The following ATP6V1C1 variants were observed in gnomAD, a reference collection of about 807,000 sequenced individuals.
ATP6V1C1 encodes the protein ATPase H+ transporting V1 subunit C1.
Under a neutral mutation model 53.9 loss-of-function variants are expected in ATP6V1C1, and 45 were observed. The observed-to-expected ratio is 0.83, with a 90% CI of 0.66 to 1.07. The LOEUF (loss-of-function observed/expected upper bound fraction) is 1.07, where lower values mean the gene tolerates loss of function less well. Among genes scored for constraint, ATP6V1C1 ranks in the 50% least tolerant of loss-of-function variants. The pLI, the probability that ATP6V1C1 is intolerant of heterozygous loss-of-function variation, is 0.00. For missense variants in ATP6V1C1, 315 were observed against 440.3 expected (o/e 0.72, Z 2.55); for synonymous variants, 153 against 155.2 (o/e 0.99, Z 0.11).
chr8:103,036,486 A>C (rs1238311536), intron 1 of ATP6V1C1, among the ~76,000 whole-genome samples: 2 of 152,218 alleles, frequency 1.3e-5, no homozygotes, highest in East Asian at 3.8e-4. Context: ...TGGGAGTTTG[A>C]GACCAACCTG....
Position 103,066,509 on chromosome 8 carries a change from A to T in ATP6V1C1, c.1053+62A>T, listed in dbSNP as rs1403931093. The T allele has an allele frequency of 5.5e-6, 8 of 1,467,130 alleles. No homozygotes were observed. In the African/African-American group the frequency reaches 1.1e-4, roughly 21 times the overall value. 90.9% of individuals were successfully genotyped at this position (1,467,130 alleles called of 1,614,324 possible). A position where few individuals can be genotyped will look rare whatever the true frequency, so the allele number is the denominator to read the frequency against. ...GTGAATTTCAGAAAAAAAATGATTG[A>T]AAGAAGATAGACAGAAAAGGGAGGG... On this transcript the variant is annotated intron_variant, in intron 12 of 12. Coordinates refer to ENST00000518738, the MANE Select transcript of ATP6V1C1 (RefSeq NM_001695.5).
chr8:103,072,006 A>G lies in ATP6V1C1; in HGVS notation c.*3259A>G, dbSNP rs1469938090. 1 of 152,228 alleles carries G rather than the reference A, an allele frequency of 6.6e-6. No individual in the cohort carries two copies. Among genetic ancestry groups the G allele is most frequent in the Non-Finnish European group, 1.5e-5 (1 of 68,048 alleles). The allele number at this position is 152,228 out of a possible 1,614,324, so 9.4% of individuals were successfully genotyped here. On this transcript the variant is annotated 3_prime_UTR_variant, in exon 13 of 13. Transcript: ENST00000518738. ...AATGTGTCTAGTTGTTTGCATGCCAATTTCAGTAGCCTCAGTTATTCAACC... is the reference window on the plus strand; with the variant it reads ...AATGTGTCTAGTTGTTTGCATGCCAGTTTCAGTAGCCTCAGTTATTCAACC...
chr8:103,028,311 G>C (rs915927531), intron 1 of ATP6V1C1, among the ~76,000 whole-genome samples: 1 of 152,118 alleles, frequency 6.6e-6, no homozygotes, highest in Non-Finnish European at 1.5e-5. Flanking sequence ...GGAATGCGAG[G>C]ATAAGGCAGA....
rs116452053 is a variant in ATP6V1C1, at chr8:103,067,566, G to A, written c.1054-1086G>A. ...AGTTTTTCTTGATAGAAGGAAATGC[G>A]GGAAATGACTTGCTACACTTTTTTT... On this transcript the variant is annotated intron_variant, in intron 12 of 12. Transcript: ENST00000518738. Among the ~76,000 whole-genome samples, 1,088 of 150,844 alleles carry A rather than the reference G, an allele frequency of 7.2e-3. 19 individuals carry two copies. The highest frequency in any genetic ancestry group is 0.025 in the African/African-American group (1,038 of 41,146).
At chr8:103,032,601 A>T (rs528012057) in intron 1 of ATP6V1C1, among the ~76,000 whole-genome samples, 3 of 151,738 alleles carry the variant, frequency 2.0e-5, no homozygotes, top group African/African-American at 7.3e-5. Context: ...CCTCAGCCTC[A>T]TATGTAGCTG....
intron 12 of ATP6V1C1, among the ~76,000 whole-genome samples, chr8:103,067,202 C>A (rs977252378): frequency 1.3e-5 from 2 of 151,710 alleles, no homozygotes; most frequent in Non-Finnish European, 2.9e-5. Context: ...AGTTTGAGAC[C>A]GGCCTGGCCA....
At chr8:103,030,543 G>A (rs1816779993) in intron 1 of ATP6V1C1, among the ~76,000 whole-genome samples, 1 of 152,188 alleles carries the variant, frequency 6.6e-6, no homozygotes. Flanking sequence ...TCGGACAATA[G>A]GCAGTACAGG....
intron 2 of ATP6V1C1, 48 bp downstream of exon 2, chr8:103,041,016 A>G: frequency 6.4e-7 from 1 of 1,567,210 alleles, no homozygotes; most frequent in Non-Finnish European, 8.7e-7. Context: ...CATCCAGGGG[A>G]GGGCCAGTTC....
intron 3 of ATP6V1C1, among the ~76,000 whole-genome samples, chr8:103,046,064 A>G (rs1817092086): frequency 6.6e-6 from 1 of 152,078 alleles, no homozygotes; most frequent in South Asian, 2.1e-4. Context: ...CCAAAGAGAC[A>G]CTGAGAAAGG....
chr8:103,060,760 TATAAG>T (rs1379522404), intron 8 of ATP6V1C1, among the ~76,000 whole-genome samples: 1 of 152,236 alleles, frequency 6.6e-6, no homozygotes, highest in Admixed American at 6.5e-5. Flanking sequence ...AGGATTTAGT[TATAAG>T]ATAAGATGGA....
chr8:103,029,727 AT>A (rs1041091587), intron 1 of ATP6V1C1, among the ~76,000 whole-genome samples: 9 of 151,276 alleles, frequency 5.9e-5, no homozygotes, highest in African/African-American at 2.0e-4. Context: ...GCTTTATTTT[AT>A]TTAAAAAAAA....
intron 5 of ATP6V1C1, among the ~76,000 whole-genome samples, chr8:103,051,605 C>T (rs531207122): frequency 6.6e-6 from 1 of 152,062 alleles, no homozygotes; most frequent in Non-Finnish European, 1.5e-5. Flanking sequence ...GAAAAATTCC[C>T]GTATTCGTGT....
At position 103,054,273 on chromosome 8, in the gene ATP6V1C1, C is replaced by A. The variant is rs368915379; in HGVS notation, c.572+291C>A. Among the ~76,000 whole-genome samples, 3 of 151,904 alleles carry A rather than the reference C, an allele frequency of 2.0e-5. No individual in the cohort carries two copies. The South Asian group carries it at 6.2e-4, about 31-fold the overall frequency. ...TAAATTATTGATTGTTTAAAAAATA[C>A]AGATTTTAGATTTCTCAAAATAGGA... On this transcript the variant is annotated intron_variant, in intron 7 of 12. Transcript: ENST00000518738.
intron 12 of ATP6V1C1, among the ~76,000 whole-genome samples, chr8:103,066,805 A>C (rs1337109625): frequency 6.6e-6 from 1 of 152,274 alleles, no homozygotes; most frequent in South Asian, 2.1e-4. Flanking sequence ...TAGAAGCGAT[A>C]GAGTCAATAG....
chr8:103,026,843 A>G (rs979268185), intron 1 of ATP6V1C1, among the ~76,000 whole-genome samples: 6 of 152,220 alleles, frequency 3.9e-5, no homozygotes, highest in Admixed American at 6.5e-5. Context: ...ATTTTCTGAC[A>G]GTTTTAAAAT....
intron 3 of ATP6V1C1, among the ~76,000 whole-genome samples, chr8:103,045,030 C>G (rs1197087253): frequency 6.6e-6 from 1 of 152,170 alleles, no homozygotes; most frequent in African/African-American, 2.4e-5. Context: ...TTGGCAGAAT[C>G]AGTCTACAGT....
Position 103,044,675 on chromosome 8 carries a change from T to C in ATP6V1C1, c.200+2268T>C, listed in dbSNP as rs556465671. On this transcript the variant is annotated intron_variant, in intron 3 of 12. Transcript: ENST00000518738. ...AATCAGAAAGTGTGAATTCTCCAAC[T>C]TTTTTTTTTTTTTTTTCAAGATTGG... Among the ~76,000 whole-genome samples, 955 of 96,140 alleles carry C rather than the reference T, an allele frequency of 9.9e-3. 12 individuals carry two copies. Among genetic ancestry groups the C allele is most frequent in the Middle Eastern group, 0.047 (9 of 190 alleles). 63.1% of individuals were successfully genotyped at this position (96,140 alleles called of 152,430 possible). A position where few individuals can be genotyped will look rare whatever the true frequency, so the allele number is the denominator to read the frequency against.
chr8:103,059,846 C>T (rs1036969660), intron 8 of ATP6V1C1, among the ~76,000 whole-genome samples: 1 of 149,122 alleles, frequency 6.7e-6, no homozygotes, highest in Non-Finnish European at 1.5e-5. Context: ...CCCTGCTTGT[C>T]CCTCCCCATT....
At chr8:103,026,466 G>T (rs913757189) in intron 1 of ATP6V1C1, among the ~76,000 whole-genome samples, 1 of 152,174 alleles carries the variant, frequency 6.6e-6, no homozygotes, top group African/African-American at 2.4e-5. Context: ...GCATTTATGG[G>T]TATTGTTTCC....
Sources: allele counts gnomAD v4.1 joint callset (sites outside exome capture counted in the v4.1 genomes callset), GRCh38; gene constraint gnomAD v4.1.1; transcripts MANE v1.5; gene names NCBI Gene and HGNC (gene_info 2026-07-23, HGNC 2026-07-21).